Variants in FAM3B observed in about 807,000 individuals in gnomAD.
The protein encoded by FAM3B is protein FAM3B.
In FAM3B, 29 loss-of-function variants were observed where a neutral mutation model predicts 28.4. That is an observed-to-expected ratio of 1.02 (90% CI 0.76 to 1.39). The LOEUF (loss-of-function observed/expected upper bound fraction) is 1.39, where lower values mean the gene tolerates loss of function less well. Ranked by LOEUF, FAM3B falls within the 40% of genes most tolerant of loss-of-function variation. The pLI, the probability that FAM3B is intolerant of heterozygous loss-of-function variation, is 0.00. For synonymous variants in FAM3B, 91 were observed against 103.0 expected (o/e 0.88, Z 0.71); for missense variants, 266 against 293.9 (o/e 0.91, Z 0.69).
intron 7 of FAM3B, among the ~76,000 whole-genome samples, chr21:41,356,122 G>C (rs180982858): frequency 6.6e-5 from 10 of 150,848 alleles, no homozygotes; most frequent in Admixed American, 4.0e-4. Flanking sequence ...AAACATTAGA[G>C]CTACACTGTC....
intron 1 of FAM3B, among the ~76,000 whole-genome samples, chr21:41,310,779 G>C (rs1346440357): frequency 1.3e-5 from 2 of 152,162 alleles, no homozygotes; most frequent in African/African-American, 4.8e-5. Context: ...GGCTCAGCAA[G>C]CCTGGCTGCT....
At position 41,337,883 on chromosome 21, in the gene FAM3B, G is replaced by A. The variant is rs117894535; in HGVS notation, c.164-495G>A. On this transcript the variant is annotated intron_variant, in intron 2 of 7. Coordinates refer to ENST00000357985, the MANE Select transcript of FAM3B (RefSeq NM_058186.4). ...GTGGGTGTCAGTGTGTTGAGCATGT[G>A]GTGTGTTGTATGATATGTATGGTGT... Among the ~76,000 whole-genome samples the A allele has an allele frequency of 9.9e-4, 150 of 151,820 alleles. 1 individual carries two copies. The East Asian group carries it at 0.021, about 21-fold the overall frequency.
At chr21:41,343,170 C>A (rs2089023220) in intron 3 of FAM3B, among the ~76,000 whole-genome samples, 3 of 152,196 alleles carry the variant, frequency 2.0e-5, no homozygotes, top group Admixed American at 6.5e-5. Context: ...TGGCTTCCAA[C>A]TTCTGTTCCC....
chr21:41,346,057 A>G, intron 5 of FAM3B: 1 of 239,422 alleles, frequency 4.2e-6, no homozygotes. Flanking sequence ...TTATATGTAA[A>G]ATAAAGCCAC....
At chr21:41,305,267 C>T (rs936384784) in intron 1 of FAM3B, among the ~76,000 whole-genome samples, 9 of 151,964 alleles carry the variant, frequency 5.9e-5, no homozygotes, top group Admixed American at 2.6e-4. Context: ...GAGGTATAGG[C>T]GATATGCCCT....
upstream of FAM3B, chr21:41,316,690 C>T (rs935764148): frequency 4.6e-6 from 2 of 432,440 alleles, no homozygotes. Flanking sequence ...CGCACCTGCC[C>T]CGCCCACGCC....
At chr21:41,333,547 CCCAGAAGCTGAGAAGA>C (rs2088926441) in intron 2 of FAM3B, among the ~76,000 whole-genome samples, 1 of 152,190 alleles carries the variant, frequency 6.6e-6, no homozygotes, top group Non-Finnish European at 1.5e-5. Context: ...CTGGGGCCTC[CCCAGAAGCTGAGAAGA>C]TGCCAGCATT....
chr21:41,317,004 C>A, intron 1 of FAM3B, 106 bp downstream of exon 1: 3 of 1,053,870 alleles, frequency 2.8e-6, no homozygotes, highest in Admixed American at 4.3e-5. Flanking sequence ...TTAGCAAAAG[C>A]GGGAGGGCTG....
upstream of FAM3B, chr21:41,316,795 C>G: frequency 7.4e-7 from 1 of 1,353,334 alleles, no homozygotes; most frequent in Non-Finnish European, 9.6e-7. Flanking sequence ...GCTGCCCGCC[C>G]CTTGCCTTCC....
At chr21:41,306,864 C>T (rs68183718) in intron 1 of FAM3B, among the ~76,000 whole-genome samples, 17,736 of 152,184 alleles carry the variant, frequency 0.12, 1,186 homozygotes, top group Admixed American at 0.21. Flanking sequence ...GAATAGTGTA[C>T]ATTGTATGCA....
At chr21:41,340,356 G>T (rs1312689702) in intron 3 of FAM3B, among the ~76,000 whole-genome samples, 1 of 152,096 alleles carries the variant, frequency 6.6e-6, no homozygotes. Context: ...GTTTCACCAT[G>T]TTGGCCAGGA....
chr21:41,314,677 G>T (rs951038205), upstream of FAM3B, among the ~76,000 whole-genome samples: 1 of 151,680 alleles, frequency 6.6e-6, no homozygotes, highest in African/African-American at 2.4e-5. Context: ...AGCGTGAAAA[G>T]ATACTCAACA....
At position 41,308,237 on chromosome 21, in the gene FAM3B, C is replaced by A. The variant is rs974794070; in HGVS notation, n.99+3927C>A. 5.9e-5 allele frequency among the ~76,000 whole-genome samples: 9 copies of A among 152,260 alleles called. 1 individual carries two copies. Among genetic ancestry groups the A allele is most frequent in the Admixed American group, 4.6e-4 (7 of 15,302 alleles). ...TTTGCATCCAGGATTATTCAAGGTA[C>A]CTTCTCTCCATTTTCTCACTTAATC... is the stretch of plus-strand genomic sequence containing the variant. On this transcript the variant is annotated intron_variant and non_coding_transcript_variant, in intron 1 of 9. Coordinates refer to the FAM3B transcript ENST00000479810.
chr21:41,336,004 A>G (rs1017845318), intron 2 of FAM3B, among the ~76,000 whole-genome samples: 2 of 152,182 alleles, frequency 1.3e-5, no homozygotes, highest in Non-Finnish European at 2.9e-5. Context: ...ATCTGTCAGT[A>G]TTAAGAGGTA....
chr21:41,323,522 C>T (rs2088828969), intron 2 of FAM3B, among the ~76,000 whole-genome samples: 1 of 152,232 alleles, frequency 6.6e-6, no homozygotes, highest in African/African-American at 2.4e-5. Context: ...CACACGGCCT[C>T]AACCATCAGC....
intron 1 of FAM3B, chr21:41,320,372 A>C (rs150026136): frequency 6.6e-6 from 1 of 152,272 alleles, no homozygotes; most frequent in Non-Finnish European, 1.5e-5. Context: ...TTGGCCTCCC[A>C]AAGTGCTGGG....
intron 3 of FAM3B, among the ~76,000 whole-genome samples, chr21:41,343,925 C>T (rs2089030652): frequency 1.3e-5 from 2 of 152,040 alleles, no homozygotes; most frequent in African/African-American, 4.8e-5. Flanking sequence ...CAAGACCGCC[C>T]TGAGCAGTAT....
chr21:41,306,128 C>G (rs991172979), intron 1 of FAM3B, among the ~76,000 whole-genome samples: 1 of 152,184 alleles, frequency 6.6e-6, no homozygotes, highest in Non-Finnish European at 1.5e-5. Context: ...AATTCCTCAT[C>G]GGTTCAAATT....
intron 2 of FAM3B, among the ~76,000 whole-genome samples, chr21:41,327,173 G>A (rs114811290): frequency 1.6e-4 from 24 of 152,362 alleles, no homozygotes; most frequent in African/African-American, 5.8e-4. Context: ...AATGAAAAAT[G>A]TATTTTTAGG....
Sources: gnomAD v4.1 joint callset for allele counts (sites outside exome capture counted in the v4.1 genomes callset) on GRCh38, gnomAD v4.1.1 for gene constraint, MANE v1.5 for transcripts, NCBI Gene and HGNC (gene_info 2026-07-23, HGNC 2026-07-21) for gene names.